KCNQ5: variants seen among roughly 807,000 people sequenced by gnomAD.
The protein encoded by KCNQ5 is potassium voltage-gated channel subfamily Q member 5.
Under a neutral mutation model 98.2 loss-of-function variants are expected in KCNQ5, and 30 were observed. The ratio of observed to expected loss-of-function variants is 0.31; its 90% CI spans 0.23 to 0.41. The LOEUF (loss-of-function observed/expected upper bound fraction) is 0.41. Ranked by LOEUF, KCNQ5 falls within the 10% of genes least tolerant of loss-of-function variation. The pLI is 1.00. For missense variants in KCNQ5, 835 were observed against 1,182.5 expected (o/e 0.71, Z 4.31); for synonymous variants, 458 against 449.4 (o/e 1.02, Z -0.24).
chr6:72,726,951 G>A (rs998505186), intron 1 of KCNQ5, among the ~76,000 whole-genome samples: 1 of 152,168 alleles, frequency 6.6e-6, no homozygotes, highest in Non-Finnish European at 1.5e-5. Flanking sequence ...AAGCAATCTT[G>A]AGGCTTACTT....
At chr6:73,111,984 C>T (rs1775260187) in intron 7 of KCNQ5, among the ~76,000 whole-genome samples, 1 of 152,162 alleles carries the variant, frequency 6.6e-6, no homozygotes, top group African/African-American at 2.4e-5. Flanking sequence ...TTGAAGCTAG[C>T]TCCTAATACA....
chr6:73,157,765 G>C, intron 10 of KCNQ5: 1 of 778,700 alleles, frequency 1.3e-6, no homozygotes, highest in Non-Finnish European at 2.4e-6. Context: ...CTCCTAGGTG[G>C]GGTGCATGTT....
intron 1 of KCNQ5, among the ~76,000 whole-genome samples, chr6:72,654,956 A>G (rs1766070283): frequency 6.6e-6 from 1 of 152,012 alleles, no homozygotes; most frequent in Non-Finnish European, 1.5e-5. Context: ...CATGTAGTAA[A>G]CCAGACATAT....
chr6:73,029,201 A>C (rs1396272484), intron 2 of KCNQ5, among the ~76,000 whole-genome samples: 1 of 152,204 alleles, frequency 6.6e-6, no homozygotes. Flanking sequence ...TCTCTATCAG[A>C]GATAAAAGTT....
chr6:72,661,326 A>G (rs933287195), intron 1 of KCNQ5, among the ~76,000 whole-genome samples: 3 of 152,104 alleles, frequency 2.0e-5, no homozygotes, highest in African/African-American at 4.8e-5. Context: ...AACTATCTCC[A>G]TAGTTTTTCT....
chr6:73,042,739 G>A (rs1187713939), intron 3 of KCNQ5, among the ~76,000 whole-genome samples: 1 of 152,088 alleles, frequency 6.6e-6, no homozygotes, highest in Non-Finnish European at 1.5e-5. Context: ...ATTCACCTGG[G>A]TTCTAGCTTG....
intron 1 of KCNQ5, among the ~76,000 whole-genome samples, chr6:72,696,194 C>A (rs1345517809): frequency 6.6e-6 from 1 of 152,084 alleles, no homozygotes; most frequent in African/African-American, 2.4e-5. Flanking sequence ...TGGTTTTAAT[C>A]ATGAAAACCT....
chr6:73,083,048 GC>G (rs1481789958), intron 5 of KCNQ5, among the ~76,000 whole-genome samples: 1 of 151,898 alleles, frequency 6.6e-6, no homozygotes, highest in Non-Finnish European at 1.5e-5. Flanking sequence ...ATGCCACCAT[GC>G]CCAGCTAATT....
intron 1 of KCNQ5, among the ~76,000 whole-genome samples, chr6:72,931,002 A>G (rs898958555): frequency 6.6e-6 from 1 of 152,130 alleles, no homozygotes; most frequent in African/African-American, 2.4e-5. Flanking sequence ...TGCTTTCTAT[A>G]GTTTACTGGG....
intron 1 of KCNQ5, among the ~76,000 whole-genome samples, chr6:72,989,642 CAGA>C (rs1768988423): frequency 4.6e-3 from 1 of 216 alleles, no homozygotes; most frequent in Non-Finnish European, 8.2e-3. Context: ...TTTTGCTGTG[CAGA>C]AGCTCTTTAG....
rs573937731 is a variant in KCNQ5, at chr6:72,895,873, A to G, written c.399-108035A>G. Among the ~76,000 whole-genome samples the G allele has an allele frequency of 2.0e-4, 31 of 152,160 alleles. No individual in the cohort carries two copies. In the South Asian group the frequency reaches 5.8e-3, roughly 29 times the overall value. ...GGATTTATAAAGTATTACAGATCAG[A>G]AAGGCTTTGTGTCTATTCCAGAAAA... On this transcript the variant is annotated intron_variant, in intron 1 of 13. Coordinates refer to ENST00000370398, the MANE Select transcript of KCNQ5 (RefSeq NM_019842.4).
At chr6:73,166,427 C>A (rs1055866123) in intron 10 of KCNQ5, among the ~76,000 whole-genome samples, 1 of 131,098 alleles carries the variant, frequency 7.6e-6, no homozygotes, top group Non-Finnish European at 1.6e-5. Context: ...CAGAGTGAGA[C>A]TCTGTCTCAA....
At chr6:73,033,409 T>C (rs1326667566) in intron 2 of KCNQ5, among the ~76,000 whole-genome samples, 2 of 152,198 alleles carry the variant, frequency 1.3e-5, no homozygotes, top group Non-Finnish European at 2.9e-5. Context: ...TTAAATGAAT[T>C]ACTTTTCAGG....
intron 1 of KCNQ5, among the ~76,000 whole-genome samples, chr6:72,656,516 T>C (rs1766201228): frequency 6.6e-6 from 1 of 152,216 alleles, no homozygotes; most frequent in African/African-American, 2.4e-5. Context: ...TATCACATTG[T>C]CTATTCATCT....
chr6:73,012,713 C>T (rs1388732113), intron 2 of KCNQ5, among the ~76,000 whole-genome samples: 1 of 151,900 alleles, frequency 6.6e-6, no homozygotes, highest in African/African-American at 2.4e-5. Flanking sequence ...CTAATACACG[C>T]TGGGCTTAAT....
intron 5 of KCNQ5, among the ~76,000 whole-genome samples, chr6:73,078,835 C>T (rs1033093396): frequency 5.3e-5 from 8 of 152,164 alleles, no homozygotes; most frequent in African/African-American, 1.9e-4. Context: ...CTGAACAACG[C>T]ATAGTTTTCC....
At chr6:72,860,546 CACTT>C (rs1175124747) in intron 1 of KCNQ5, among the ~76,000 whole-genome samples, 1 of 152,116 alleles carries the variant, frequency 6.6e-6, no homozygotes, top group East Asian at 1.9e-4. Flanking sequence ...TCGTGGAAAA[CACTT>C]AGTAACATAC....
chr6:72,713,223 G>A (rs1056841495), intron 1 of KCNQ5, among the ~76,000 whole-genome samples: 1 of 152,040 alleles, frequency 6.6e-6, no homozygotes. Flanking sequence ...GCCCCATTTC[G>A]GATGTTTCCA....
intron 1 of KCNQ5, among the ~76,000 whole-genome samples, chr6:72,867,952 C>CTAA (rs1334124237): frequency 9.6e-6 from 1 of 104,308 alleles, no homozygotes; most frequent in South Asian, 2.9e-4. Context: ...AATACTAATA[C>CTAA]TACTACTACT....
Sources: allele counts gnomAD v4.1 joint callset (sites outside exome capture counted in the v4.1 genomes callset), GRCh38; gene constraint gnomAD v4.1.1; transcripts MANE v1.5; gene names NCBI Gene and HGNC (gene_info 2026-07-23, HGNC 2026-07-21).